Variants in DNAH2 observed in about 807,000 individuals in gnomAD.
The protein encoded by DNAH2 is dynein axonemal heavy chain 2.
In DNAH2, 323 loss-of-function variants were observed where a neutral mutation model predicts 523.5. The observed-to-expected ratio is 0.62, with a 90% CI of 0.56 to 0.68. The LOEUF (loss-of-function observed/expected upper bound fraction) is 0.68. Ranked by LOEUF, DNAH2 falls within the 30% of genes least tolerant of loss-of-function variation. The probability of loss-of-function intolerance (pLI) is 0.00; values close to 1 mark genes in which losing one functional copy is unlikely to be tolerated. For synonymous variants in DNAH2, 2,093 were observed against 2,177.4 expected, an observed-to-expected ratio of 0.96 and a Z score of 1.08; for missense variants, 4,907 against 5,701.5, an observed-to-expected ratio of 0.86 and a Z score of 4.49.
chr17:7,741,242 CTTTCTTTCTT>C (rs1567624262), intron 11 of DNAH2, among the ~76,000 whole-genome samples: 3 of 28,258 alleles, frequency 1.1e-4, no homozygotes, highest in African/African-American at 5.1e-4. Context: ...CTCTCTCTTT[CTTTCTTTCTT>C]TCTTTCTTTC....
In DNAH2 at chr17:7,774,124, C is replaced by T. The variant is rs367898476; in HGVS notation, c.4502-635C>T. Among the ~76,000 whole-genome samples, 35 of 152,304 alleles carry T rather than the reference C, an allele frequency of 2.3e-4. 1 individual carries two copies. In the East Asian group the frequency reaches 4.4e-3, roughly 19 times the overall value. ...GGAAGCTGTTTATGGAAGCACTTTA[C>T]GGCTTCTCTTTGGTGTATCTGAATT... On this transcript the variant is annotated intron_variant, in intron 28 of 85. Coordinates refer to ENST00000572933, the MANE Select transcript of DNAH2 (RefSeq NM_020877.5).
intron 4 of DNAH2, among the ~76,000 whole-genome samples, chr17:7,731,132 ATTAATTAAAT>A (rs1290287359): frequency 1.8e-5 from 2 of 108,824 alleles, no homozygotes; most frequent in African/African-American, 7.4e-5. Context: ...AAATAAATAA[ATTAATTAAAT>A]TAAATTAAAT....
chr17:7,807,388 C>G lies in DNAH2; in HGVS notation c.9612+69C>G. On this transcript the variant is annotated intron_variant, in intron 62 of 85. Transcript: ENST00000572933. This position sits in a 1 kb window ranked among gnomAD's most constrained non-coding sequence, Gnocchi z 5.6. ...CTGGGGGAGTGCGGATGCACAGACC[C>G]AGGTGGAAGGAGGGGATGCCTGGAG... 1.2e-6 allele frequency: 2 copies of G among 1,603,608 alleles called. No individual in the cohort carries two copies. The highest frequency in any genetic ancestry group is 1.7e-6 in the Non-Finnish European group (2 of 1,175,874).
intron 77 of DNAH2, among the ~76,000 whole-genome samples, chr17:7,827,805 A>C (rs1447065548): frequency 2.0e-5 from 3 of 152,024 alleles, no homozygotes; most frequent in Non-Finnish European, 2.9e-5. Context: ...AATACTGCGA[A>C]AGTACTTTTC....
At chr17:7,740,675 T>TTTCTTCTG in intron 10 of DNAH2, 126 bp downstream of exon 10, 6 of 1,536,600 alleles carry the variant, frequency 3.9e-6, no homozygotes, top group Non-Finnish European at 5.2e-6. Flanking sequence ...GCCTCTTGTC[T>TTTCTTCTG]TTCTTCTGTT....
chr17:7,770,870 C>A lies in DNAH2; in HGVS notation c.4299C>A (p.Leu1433=). ...ATGTGGACCACTGGGAACGCTGCCTCTCCCTCATTTTGGAGGTTATTGAGA... is the reference window on the plus strand; with the variant it reads ...ATGTGGACCACTGGGAACGCTGCCTATCCCTCATTTTGGAGGTTATTGAGA... ...EKDVDHWERC[L]SLILEVIEMI... The change falls in exon 27 of 86, where the codon CTC becomes CTA. Residue 1433 remains leucine, a synonymous_variant. Transcript: ENST00000572933. The A allele has an allele frequency of 6.2e-7, 1 of 1,614,194 alleles. No homozygotes were observed. Among genetic ancestry groups the A allele is most frequent in the Non-Finnish European group, 8.5e-7 (1 of 1,180,034 alleles).
In DNAH2 at chr17:7,797,414, G is replaced by A. The variant is rs1276012778; in HGVS notation, c.7964G>A (p.Arg2655Gln). The change falls in exon 52 of 86, where the codon CGG (arginine) becomes CAG (glutamine). Residue 2655 changes from arginine (R) to glutamine (Q), a missense_variant. By Grantham distance (43) the Arg-to-Gln change is conservative. Around this residue, in one of 3 missense-constraint regions of DNAH2, gnomAD observed 250 missense variants for 371.3 expected, o/e 0.67. Coordinates refer to ENST00000572933, the MANE Select transcript of DNAH2 (RefSeq NM_020877.5). ...CCTGCCCACAGAGTCTTCTCTGACC[G>A]GCTGGTTGATGCGGCAGACACAGAA... ...IHECFRVFSD[R>Q]LVDAADTEAF... The A allele has an allele frequency of 4.3e-6, 7 of 1,613,944 alleles. No homozygotes were observed. The highest frequency in any genetic ancestry group is 2.2e-5 in the South Asian group (2 of 91,082).
intron 77 of DNAH2, among the ~76,000 whole-genome samples, chr17:7,825,250 T>A (rs1256919877): frequency 6.6e-6 from 1 of 152,212 alleles, no homozygotes; most frequent in Non-Finnish European, 1.5e-5. Context: ...AATGCAATCA[T>A]CACCACCCTC....
chr17:7,818,535 G>A, intron 69 of DNAH2, 75 bp downstream of exon 69: 2 of 1,603,950 alleles, frequency 1.2e-6, no homozygotes, highest in South Asian at 2.2e-5. Flanking sequence ...AAAGGGATAA[G>A]CTTGTGTTGG....
chr17:7,794,304 C>T lies in DNAH2; in HGVS notation c.7620C>T (p.Val2540=). The T allele has an allele frequency of 6.2e-7, 1 of 1,610,520 alleles. No individual in the cohort carries two copies. ...AMGPPGGGRT[V]ISPRLRSRFN... ...GCCCCCCTGGGGGTGGACGGACTGT[C>T]ATCTCCCCAAGGCTACGGAGTCGCT... Residue 2540 remains valine, a synonymous_variant, in exon 49 of 86, where the codon GTC becomes GTT. Coordinates refer to ENST00000572933, the MANE Select transcript of DNAH2 (RefSeq NM_020877.5).
Position 7,758,963 on chromosome 17 carries a change from C to A in DNAH2, c.2287C>A (p.Leu763Met), listed in dbSNP as rs748589176. The change falls in exon 15 of 86, where the codon CTG becomes ATG. Residue 763 changes from leucine to methionine, a missense_variant. Coordinates refer to ENST00000572933, the MANE Select transcript of DNAH2 (RefSeq NM_020877.5). Reference protein sequence around the residue: ...WRAQEMSEKLLVRISGKRVYR... With the variant: ...WRAQEMSEKLMVRISGKRVYR... ...AGCCCAAGAGATGTCAGAGAAGCTGCTGGTACGCATTAGTGGCAAACGGGT... is the reference window on the plus strand; with the variant it reads ...AGCCCAAGAGATGTCAGAGAAGCTGATGGTACGCATTAGTGGCAAACGGGT... 22 of 1,614,038 alleles carry A rather than the reference C, an allele frequency of 1.4e-5. No individual in the cohort carries two copies. The highest frequency in any genetic ancestry group is 1.9e-5 in the Non-Finnish European group (22 of 1,180,036).
Position 7,768,235 on chromosome 17 carries a change from C to G in DNAH2, c.3909C>G (p.Ile1303Met). Reference protein sequence around the residue: ...IEQFKRTMPLISDLRNPALRE... With the variant: ...IEQFKRTMPLMSDLRNPALRE... Reference sequence around the variant, plus strand: ...AGTTCAAGAGGACCATGCCTCTCATCTCAGACCTGCGGAACCCTGCCCTTA... The same window carrying G: ...AGTTCAAGAGGACCATGCCTCTCATGTCAGACCTGCGGAACCCTGCCCTTA... The change falls in exon 24 of 86, where the codon ATC becomes ATG. Residue 1303 changes from isoleucine (I) to methionine (M), a missense_variant. Ile to Met is a conservative substitution (Grantham distance 10). Transcript: ENST00000572933. The G allele has an allele frequency of 6.2e-7, 1 of 1,614,202 alleles. No homozygotes were observed. The highest frequency in any genetic ancestry group is 8.5e-7 in the Non-Finnish European group (1 of 1,180,036).
At chr17:7,785,277 A>G (rs1412912895) in intron 39 of DNAH2, among the ~76,000 whole-genome samples, 1 of 151,952 alleles carries the variant, frequency 6.6e-6, no homozygotes, top group Non-Finnish European at 1.5e-5. Flanking sequence ...AATTTTTTGT[A>G]TTTTTAGTAG....
Position 7,798,302 on chromosome 17 carries a change from T to G in DNAH2, c.8376T>G (p.Tyr2792Ter), listed in dbSNP as rs752021411. 6.2e-7 allele frequency: 1 copy of G among 1,612,044 alleles called. No individual in the cohort carries two copies. The highest frequency in any genetic ancestry group is 1.7e-5 in the Admixed American group (1 of 59,934). ...TCCAGATCGAGGTCACCAAACATTA[T>G]CGGAAGCAGGAGTTCCGAGATGGTA... ...TTFQIEVTKH[Y>*]RKQEFRDDIK... Residue 2792 changes from tyrosine (Y) to a stop codon, truncating the protein, a stop_gained, in exon 54 of 86, where the codon TAT becomes TAG. Transcript: ENST00000572933. LOFTEE classifies it high-confidence loss of function. This position sits in a 1 kb window ranked among gnomAD's most constrained non-coding sequence, Gnocchi z 5.5.
chr17:7,830,747 T>C lies in DNAH2; in HGVS notation c.12135T>C (p.Tyr4045=), dbSNP rs1183821730. 3 of 1,614,150 alleles carry C rather than the reference T, an allele frequency of 1.9e-6. No homozygotes were observed. Among genetic ancestry groups the C allele is most frequent in the Non-Finnish European group, 2.5e-6 (3 of 1,180,030 alleles). ...ALKYLIAGIN[Y]GGHVTDDWDR... The stretch of plus-strand genomic sequence containing the variant: ...AGTACCTCATTGCCGGCATCAACTA[T>C]GGTGGACATGTCACAGATGACTGGG... The change falls in exon 79 of 86, where the codon TAT becomes TAC. Residue 4045 remains tyrosine (Y), a synonymous_variant. Coordinates refer to ENST00000572933, the MANE Select transcript of DNAH2 (RefSeq NM_020877.5).
At chr17:7,725,440 A>ATATATTTTTTTTTTT (rs958458949) in intron 3 of DNAH2, among the ~76,000 whole-genome samples, 1 of 130,504 alleles carries the variant, frequency 7.7e-6, no homozygotes, top group East Asian at 2.9e-4. Flanking sequence ...ATATATATAT[A>ATATATTTTTTTTTTT]TTTTCTTTTT....
At position 7,796,045 on chromosome 17, in the gene DNAH2, A is replaced by AT. The variant is rs377411281; in HGVS notation, c.7675-397dup. ...CAGTTGTCTTATTTCTGAGTTTAGG[A>AT]TTTTTTTTTTTTTTTTTTTTTTGAG... is the stretch of plus-strand genomic sequence containing the variant. On this transcript the variant is annotated intron_variant, in intron 49 of 85. Coordinates refer to ENST00000572933, the MANE Select transcript of DNAH2 (RefSeq NM_020877.5). Among the ~76,000 whole-genome samples, 580 of 107,648 alleles carry AT rather than the reference A, an allele frequency of 5.4e-3. 4 individuals are homozygous for AT. Among genetic ancestry groups the AT allele is most frequent in the African/African-American group, 0.018 (511 of 28,676 alleles). The allele number at this position is 107,648 out of a possible 152,430, so 70.6% of individuals were successfully genotyped here. A position where few individuals can be genotyped will look rare whatever the true frequency, so the allele number is the denominator to read the frequency against.
Position 7,805,317 on chromosome 17 carries a change from A to G in DNAH2, c.9366A>G (p.Gln3122=). ...EIKSYGRPPA[Q]VEIVMQAVMI... ...AGTCTTATGGACGGCCCCCAGCCCA[A>G]GTGGAGATAGTGATGCAGGCAGTTA... is the stretch of plus-strand genomic sequence containing the variant. The change falls in exon 61 of 86, where the codon CAA becomes CAG. Residue 3122 remains glutamine (Q), a synonymous_variant. Transcript: ENST00000572933. The G allele has an allele frequency of 6.2e-7, 1 of 1,614,234 alleles. No homozygotes were observed. The highest frequency in any genetic ancestry group is 2.2e-5 in the East Asian group (1 of 44,892).
In DNAH2 at chr17:7,817,927, C is replaced by T; in HGVS notation, c.10237-19C>T. Reference sequence around the variant, plus strand: ...CACCTCTCCCGTAGTGTTCCTTCACCTTCCCCCTTGCTCTCTAGGGCCTGA... The same window carrying T: ...CACCTCTCCCGTAGTGTTCCTTCACTTTCCCCCTTGCTCTCTAGGGCCTGA... On this transcript the variant is annotated intron_variant, in intron 67 of 85. Coordinates refer to ENST00000572933, the MANE Select transcript of DNAH2 (RefSeq NM_020877.5). 6.2e-7 allele frequency: 1 copy of T among 1,614,088 alleles called. No homozygotes were observed. The highest frequency in any genetic ancestry group is 8.5e-7 in the Non-Finnish European group (1 of 1,180,004).
Sources: allele counts gnomAD v4.1 joint callset (sites outside exome capture counted in the v4.1 genomes callset), GRCh38; gene constraint gnomAD v4.1.1; regional missense constraint gnomAD v4.1.1; non-coding constraint Gnocchi (gnomAD v3.1); transcripts MANE v1.5; gene names NCBI Gene and HGNC (gene_info 2026-07-23, HGNC 2026-07-21).